PACRG: variants seen among roughly 807,000 people sequenced by gnomAD.
The protein encoded by PACRG is parkin coregulated, also known as parkin coregulated gene protein.
PACRG carries 29 observed loss-of-function variants against 29.7 expected under a neutral mutation model. The observed-to-expected ratio is 0.98, with a 90% CI of 0.73 to 1.33. The LOEUF is 1.33. Among genes scored for constraint, PACRG ranks in the 40% most tolerant of loss-of-function variants. The pLI, the probability that PACRG is intolerant of heterozygous loss-of-function variation, is 0.00. For missense variants in PACRG, 279 were observed against 316.2 expected, an observed-to-expected ratio of 0.88 and a Z score of 0.89; for synonymous variants, 116 against 118.7, an observed-to-expected ratio of 0.98 and a Z score of 0.15.
In PACRG at chr6:162,802,441, G is replaced by C. The variant is rs141962871; in HGVS notation, c.157-11706G>C. ...TCTGGCCATTTTATGTAAGTGCATT[G>C]GTTATACATATAGCTTGTTTTCTAA... On this transcript the variant is annotated intron_variant, in intron 1 of 4. Transcript: ENST00000366888. Among the ~76,000 whole-genome samples the C allele has an allele frequency of 5.9e-5, 9 of 152,118 alleles. No homozygotes were observed. In the East Asian group the frequency reaches 1.7e-3, roughly 29 times the overall value.
intron 2 of PACRG, among the ~76,000 whole-genome samples, chr6:162,841,567 T>C (rs1314200888): frequency 6.6e-6 from 1 of 152,008 alleles, no homozygotes; most frequent in African/African-American, 2.4e-5. Flanking sequence ...CATTAATTTT[T>C]TGAAAGGGTT....
chr6:162,952,381 C>T (rs1799718938), intron 2 of PACRG, among the ~76,000 whole-genome samples: 1 of 152,156 alleles, frequency 6.6e-6, no homozygotes, highest in Non-Finnish European at 1.5e-5. Flanking sequence ...TATTATAACC[C>T]TTTCCTCTTT....
At chr6:163,161,836 C>T (rs1778569110) in intron 4 of PACRG, among the ~76,000 whole-genome samples, 1 of 152,160 alleles carries the variant, frequency 6.6e-6, no homozygotes, top group African/African-American at 2.4e-5. Context: ...CTGAGTGGAC[C>T]TCTCAAAATC....
At chr6:163,171,775 C>T (rs916531515) in intron 4 of PACRG, among the ~76,000 whole-genome samples, 1 of 152,148 alleles carries the variant, frequency 6.6e-6, no homozygotes, top group Non-Finnish European at 1.5e-5. Flanking sequence ...CTGTCTCCTC[C>T]CTGGTGGAGC....
chr6:162,826,775 G>T (rs942756954), intron 2 of PACRG, among the ~76,000 whole-genome samples: 6 of 152,186 alleles, frequency 3.9e-5, no homozygotes, highest in Middle Eastern at 3.4e-3. Context: ...GATTTTAATT[G>T]TCATACTGTA....
At chr6:163,104,946 G>A (rs1815299768) in intron 4 of PACRG, among the ~76,000 whole-genome samples, 1 of 151,850 alleles carries the variant, frequency 6.6e-6, no homozygotes, top group African/African-American at 2.4e-5. Flanking sequence ...CATTGAACAA[G>A]TACTCTTATA....
intron 2 of PACRG, among the ~76,000 whole-genome samples, chr6:162,972,280 A>G (rs370661268): frequency 6.6e-6 from 1 of 152,206 alleles, no homozygotes; most frequent in African/African-American, 2.4e-5. Flanking sequence ...GGACCAGTCA[A>G]GGATTGAAGC....
rs1798036563 is a variant in PACRG, at chr6:162,933,765, G to GA, written c.291+119492dup. Among the ~76,000 whole-genome samples, 8 of 151,340 alleles carry GA rather than the reference G, an allele frequency of 5.3e-5. No homozygotes were observed. The South Asian group carries it at 1.7e-3, about 31-fold the overall frequency. On this transcript the variant is annotated intron_variant, in intron 2 of 4. Transcript: ENST00000366888. ...ATATCCAAGGCTGGGTAATTTTGGG[G>GA]AAAAAAAAGGTTCGTTTAGTTCATG...
At chr6:163,140,965 C>T (rs111457990) in intron 4 of PACRG, among the ~76,000 whole-genome samples, 5 of 152,094 alleles carry the variant, frequency 3.3e-5, no homozygotes, top group Non-Finnish European at 5.9e-5. Context: ...AGCTGCTCTT[C>T]GAATTGGAAG....
At chr6:163,175,182 G>A (rs1386622704) in intron 4 of PACRG, among the ~76,000 whole-genome samples, 1 of 152,182 alleles carries the variant, frequency 6.6e-6, no homozygotes, top group African/African-American at 2.4e-5. Flanking sequence ...AACTGGACTA[G>A]TATTTTCTAC....
At chr6:162,802,335 A>G (rs1339840510) in intron 1 of PACRG, among the ~76,000 whole-genome samples, 1 of 152,180 alleles carries the variant, frequency 6.6e-6, no homozygotes, top group East Asian at 1.9e-4. Context: ...TAAATAATTT[A>G]GTTTATGTGA....
intron 4 of PACRG, among the ~76,000 whole-genome samples, chr6:163,287,275 C>T (rs1784434510): frequency 6.6e-6 from 1 of 152,178 alleles, no homozygotes; most frequent in Non-Finnish European, 1.5e-5. Flanking sequence ...ACAGCAAGCT[C>T]TTGCCTTTCA....
intron 4 of PACRG, among the ~76,000 whole-genome samples, chr6:163,257,379 A>G (rs1443305924): frequency 6.6e-6 from 1 of 152,208 alleles, no homozygotes; most frequent in African/African-American, 2.4e-5. Flanking sequence ...CCAGTTATCC[A>G]GGTGAGAGGC....
At position 162,881,960 on chromosome 6, in the gene PACRG, G is replaced by T. The variant is rs1187801662; in HGVS notation, c.291+67679G>T. Among the ~76,000 whole-genome samples the T allele has an allele frequency of 4.0e-5, 5 of 124,486 alleles. No individual in the cohort carries two copies. The South Asian group carries it at 1.5e-3, about 36-fold the overall frequency. The allele number at this position is 124,486 out of a possible 152,430, so 81.7% of individuals were successfully genotyped here. A position where few individuals can be genotyped will look rare whatever the true frequency, so the allele number is the denominator to read the frequency against. ...TCCTCTCCACCAAGACCAGAGATGGGTGGGGGGGGGCACTCTTCCACTAAG... is the reference window on the plus strand; with the variant it reads ...TCCTCTCCACCAAGACCAGAGATGGTTGGGGGGGGGCACTCTTCCACTAAG... On this transcript the variant is annotated intron_variant, in intron 2 of 4. Coordinates refer to ENST00000366888, the MANE Select transcript of PACRG (RefSeq NM_001080379.2).
chr6:162,728,768 C>G (rs1280357554), intron 1 of PACRG, among the ~76,000 whole-genome samples: 1 of 152,172 alleles, frequency 6.6e-6, no homozygotes. Context: ...TAAACTCTTG[C>G]AAAATTTAAC....
chr6:163,094,421 A>G (rs1034648985), intron 4 of PACRG, among the ~76,000 whole-genome samples: 1 of 152,174 alleles, frequency 6.6e-6, no homozygotes, highest in Non-Finnish European at 1.5e-5. Flanking sequence ...TGAAAGTTAG[A>G]TTTGGAATTG....
At chr6:162,734,150 G>C (rs1779982016) in intron 1 of PACRG, among the ~76,000 whole-genome samples, 1 of 152,132 alleles carries the variant, frequency 6.6e-6, no homozygotes, top group Admixed American at 6.5e-5. Flanking sequence ...TGCCAATGAT[G>C]TTATATAGAT....
intron 3 of PACRG, among the ~76,000 whole-genome samples, chr6:163,062,888 A>G (rs772892088): frequency 2.4e-4 from 36 of 152,252 alleles, no homozygotes; most frequent in Non-Finnish European, 3.8e-4. Context: ...CTTGCTCACA[A>G]CATTGCACGG....
intron 2 of PACRG, among the ~76,000 whole-genome samples, chr6:163,011,120 G>A (rs935917317): frequency 6.6e-6 from 1 of 152,138 alleles, no homozygotes; most frequent in African/African-American, 2.4e-5. Context: ...GAAGAAAAGG[G>A]GCTGGGAGGG....
Sources: gnomAD v4.1 joint callset for allele counts (sites outside exome capture counted in the v4.1 genomes callset) on GRCh38, gnomAD v4.1.1 for gene constraint, MANE v1.5 for transcripts, NCBI Gene and HGNC (gene_info 2026-07-23, HGNC 2026-07-21) for gene names.